The following LRP6 variants were observed in gnomAD, a reference collection of about 807,000 sequenced individuals.
LRP6 encodes low-density lipoprotein receptor-related protein 6.
Under a neutral mutation model 184.1 loss-of-function variants are expected in LRP6, and 43 were observed. That is an observed-to-expected ratio of 0.23 (90% CI 0.18 to 0.30). LRP6 has a LOEUF of 0.30. Among genes scored for constraint, LRP6 ranks in the 10% least tolerant of loss-of-function variants. LRP6 has a pLI of 1.00. For synonymous variants in LRP6, 719 were observed against 684.9 expected, an observed-to-expected ratio of 1.05 and a Z score of -0.78; for missense variants, 1,571 against 2,005.3, an observed-to-expected ratio of 0.78 and a Z score of 4.14.
chr12:12,266,839 C>T lies in LRP6; in HGVS notation c.-104G>A, dbSNP rs534384320. 4,338 of 884,132 alleles carry T rather than the reference C, an allele frequency of 4.9e-3. 58 individuals are homozygous for T. Among genetic ancestry groups the T allele is most frequent in the South Asian group, 0.025 (1,793 of 71,624 alleles). 54.8% of individuals were successfully genotyped at this position (884,132 alleles called of 1,614,324 possible). A position where few individuals can be genotyped will look rare whatever the true frequency, so the allele number is the denominator to read the frequency against. ...GCAGCGGCAGGGCTGCACGCTCATA[C>T]TTCCCAGCTTCCCAGCGAGAGAAGA... On this transcript the variant is annotated 5_prime_UTR_variant, in exon 1 of 23. Coordinates refer to ENST00000261349, the MANE Select transcript of LRP6 (RefSeq NM_002336.3).
At chr12:12,254,264 T>A (rs923054160) in intron 1 of LRP6, among the ~76,000 whole-genome samples, 1 of 151,404 alleles carries the variant, frequency 6.6e-6, no homozygotes, top group Admixed American at 6.6e-5. Flanking sequence ...GTGGACTGAG[T>A]CAAGATTTCC....
intron 1 of LRP6, among the ~76,000 whole-genome samples, chr12:12,261,543 A>C (rs1015115053): frequency 3.9e-5 from 6 of 152,184 alleles, no homozygotes; most frequent in African/African-American, 1.4e-4. Flanking sequence ...AGTAAACAGG[A>C]ATGACAGTAT....
rs911899915 is a variant in LRP6 at position 12,118,596 on chromosome 12, C to G, written c.*2530G>C. 1.3e-5 allele frequency: 2 copies of G among 152,066 alleles called. No homozygotes were observed. Among genetic ancestry groups the G allele is most frequent in the Admixed American group, 6.6e-5 (1 of 15,264 alleles). 9.4% of individuals were successfully genotyped at this position (152,066 alleles called of 1,614,324 possible). The stretch of plus-strand genomic sequence containing the variant: ...TTCCTCTCAACTTTTCCAATTACAG[C>G]TTGTGTTTGATAATCAATATACAGT... On this transcript the variant is annotated 3_prime_UTR_variant, in exon 23 of 23. Coordinates refer to ENST00000261349, the MANE Select transcript of LRP6 (RefSeq NM_002336.3).
intron 1 of LRP6, among the ~76,000 whole-genome samples, chr12:12,262,208 G>A (rs1165734262): frequency 3.3e-5 from 5 of 152,044 alleles, no homozygotes; most frequent in South Asian, 2.1e-4. Context: ...GTGAAAGCCC[G>A]TCTCTACTAA....
In LRP6 at chr12:12,189,047, A is replaced by G. The variant is rs565539473; in HGVS notation, c.648-1928T>C. Among the ~76,000 whole-genome samples, 5 of 152,384 alleles carry G rather than the reference A, an allele frequency of 3.3e-5. No individual in the cohort carries two copies. In the South Asian group the frequency reaches 6.2e-4, roughly 19 times the overall value. On this transcript the variant is annotated intron_variant, in intron 3 of 22. Coordinates refer to ENST00000261349, the MANE Select transcript of LRP6 (RefSeq NM_002336.3). ...AAAAAAAGGCTTCAAAAAGTTTTGT[A>G]TATCATTAAGTGAAAAGTTGAAATT...
At chr12:12,155,936 A>G (rs777698032) in intron 12 of LRP6, among the ~76,000 whole-genome samples, 15 of 152,168 alleles carry the variant, frequency 9.9e-5, no homozygotes, top group Non-Finnish European at 2.2e-4. Flanking sequence ...TTGAGTATCT[A>G]CCACAGACTA....
Position 12,150,924 on chromosome 12 carries a change from G to A in LRP6, c.2906C>T (p.Ala969Val), listed in dbSNP as rs1288074248. 9.9e-6 allele frequency: 16 copies of A among 1,614,046 alleles called. No homozygotes were observed. The highest frequency in any genetic ancestry group is 1.3e-5 in the Non-Finnish European group (15 of 1,179,908). Reference sequence around the variant, plus strand: ...CTTGTCCAGTGGGTCATAGTCAATGGCCCGGACATTCCGAAGGCTGTGGAT... The same window carrying A: ...CTTGTCCAGTGGGTCATAGTCAATGACCCGGACATTCCGAAGGCTGTGGAT... ...LPIHSLRNVRAIDYDPLDKQL... is the reference protein window; with the variant it reads ...LPIHSLRNVRVIDYDPLDKQL... The change falls in exon 13 of 23, where the codon GCC becomes GTC. Residue 969 changes from alanine to valine, a missense_variant. This residue lies in a region of LRP6 where 763 missense variants were observed against 859.5 expected (regional missense o/e 0.89). Transcript: ENST00000261349.
At chr12:12,212,109 T>C (rs1864225533) in intron 2 of LRP6, among the ~76,000 whole-genome samples, 1 of 152,198 alleles carries the variant, frequency 6.6e-6, no homozygotes, top group Non-Finnish European at 1.5e-5. Flanking sequence ...ATTAGGACTG[T>C]TTACTCATAT....
chr12:12,121,120 C>A lies in LRP6; in HGVS notation c.*6G>T. 1 of 1,585,886 alleles carries A rather than the reference C, an allele frequency of 6.3e-7. No homozygotes were observed. Among genetic ancestry groups the A allele is most frequent in the Admixed American group, 1.7e-5 (1 of 57,322 alleles). The stretch of plus-strand genomic sequence containing the variant: ...TTGGAGGCAGTCAGAGGAGGAGGGC[C>A]CCTCCTCAGGAGGAGTCTGTACAGG... On this transcript the variant is annotated 3_prime_UTR_variant, in exon 23 of 23. Transcript: ENST00000261349.
intron 1 of LRP6, among the ~76,000 whole-genome samples, chr12:12,256,680 C>T (rs1293040555): frequency 6.6e-6 from 1 of 152,166 alleles, no homozygotes; most frequent in African/African-American, 2.4e-5. Flanking sequence ...GTGGCACACG[C>T]CTGTAGTCCC....
intron 12 of LRP6, chr12:12,155,185 G>A: frequency 1.8e-6 from 1 of 559,760 alleles, no homozygotes; most frequent in Non-Finnish European, 3.3e-6. Context: ...GACAGTGTGA[G>A]ACTCTGTCTC....
chr12:12,138,910 G>A (rs2136887171), intron 15 of LRP6: 5 of 1,370,104 alleles, frequency 3.6e-6, no homozygotes, highest in Non-Finnish European at 4.9e-6. Flanking sequence ...CATTTATGAA[G>A]AACAGCTTCA....
Position 12,119,089 on chromosome 12 carries a change from TG to T in LRP6, c.*2036del, listed in dbSNP as rs1325573708. 2 of 152,342 alleles carry T rather than the reference TG, an allele frequency of 1.3e-5. No homozygotes were observed. Among genetic ancestry groups the T allele is most frequent in the East Asian group, 1.9e-4 (1 of 5,184 alleles). 9.4% of individuals were successfully genotyped at this position (152,342 alleles called of 1,614,324 possible). A position where few individuals can be genotyped will look rare whatever the true frequency, so the allele number is the denominator to read the frequency against. On this transcript the variant is annotated 3_prime_UTR_variant, in exon 23 of 23. Transcript: ENST00000261349. The stretch of plus-strand genomic sequence containing the variant: ...CACTGTGGGCACTTAGTTCCAGCAA[TG>T]GGAAGAGTTCATGCTTGTCTGTTTT...
chr12:12,179,137 A>G (rs1458257789), intron 7 of LRP6, among the ~76,000 whole-genome samples: 1 of 152,210 alleles, frequency 6.6e-6, no homozygotes, highest in African/African-American at 2.4e-5. Context: ...ATAGGCCACT[A>G]ATAAAACACT....
intron 3 of LRP6, among the ~76,000 whole-genome samples, chr12:12,193,769 C>A (rs2137020127): frequency 6.6e-6 from 1 of 152,162 alleles, no homozygotes; most frequent in African/African-American, 2.4e-5. Flanking sequence ...TCCCCATGCC[C>A]AGATGGCAGG....
At chr12:12,261,402 C>CAAA (rs36054178) in intron 1 of LRP6, among the ~76,000 whole-genome samples, 2 of 111,718 alleles carry the variant, frequency 1.8e-5, no homozygotes, top group Admixed American at 9.7e-5. Flanking sequence ...GACTCCGTCT[C>CAAA]AAAAAAAAAA....
At chr12:12,166,208 G>T (rs1862874858) in intron 7 of LRP6, among the ~76,000 whole-genome samples, 1 of 152,160 alleles carries the variant, frequency 6.6e-6, no homozygotes, top group Non-Finnish European at 1.5e-5. Context: ...GCCCCTTTAA[G>T]TGACAGAAAT....
rs747295504 is a variant in LRP6, at chr12:12,158,891, C to T, written c.2729G>A (p.Gly910Glu). 6.2e-7 allele frequency: 1 copy of T among 1,614,208 alleles called. No homozygotes were observed. The highest frequency in any genetic ancestry group is 1.1e-5 in the South Asian group (1 of 91,074). The change falls in exon 12 of 23, where the codon GGG becomes GAG. Residue 910 changes from glycine (G) to glutamate (E), a missense_variant. Around this residue, in one of 4 missense-constraint regions of LRP6, gnomAD observed 158 missense variants for 258.4 expected, o/e 0.61. Coordinates refer to ENST00000261349, the MANE Select transcript of LRP6 (RefSeq NM_002336.3). ...CSHLCLAVPV[G>E]GFVCGCPAHY... Reference sequence around the variant, plus strand: ...GGCAGGGCATCCACAAACAAAACCCCCAACTGGCACAGCCAAGCAGAGGTG... The same window carrying T: ...GGCAGGGCATCCACAAACAAAACCCTCAACTGGCACAGCCAAGCAGAGGTG...
At chr12:12,260,766 C>A (rs1591996027) in intron 1 of LRP6, among the ~76,000 whole-genome samples, 2 of 152,190 alleles carry the variant, frequency 1.3e-5, no homozygotes, top group African/African-American at 2.4e-5. Flanking sequence ...GAACACAAAG[C>A]GGCAGAAGAG....
Sources: allele counts gnomAD v4.1 joint callset (sites outside exome capture counted in the v4.1 genomes callset), GRCh38; gene constraint gnomAD v4.1.1; regional missense constraint gnomAD v4.1.1; transcripts MANE v1.5; gene names NCBI Gene and HGNC (gene_info 2026-07-23, HGNC 2026-07-21).